Variants in EPHA6 observed in about 807,000 individuals in gnomAD.
The protein encoded by EPHA6 is EPH receptor A6.
In EPHA6, 50 loss-of-function variants were observed where a neutral mutation model predicts 112.0. That is an observed-to-expected ratio of 0.45 (90% CI 0.36 to 0.56). The LOEUF is 0.56. EPHA6 is among the 20% of genes least tolerant of loss of function. EPHA6 has a pLI of 0.00. For missense variants in EPHA6, 1,280 were observed against 1,417.4 expected, an observed-to-expected ratio of 0.90 and a Z score of 1.56; for synonymous variants, 529 against 490.7, an observed-to-expected ratio of 1.08 and a Z score of -1.03.
At chr3:97,216,705 A>G (rs1247782041) in intron 3 of EPHA6, among the ~76,000 whole-genome samples, 1 of 152,234 alleles carries the variant, frequency 6.6e-6, no homozygotes, top group Non-Finnish European at 1.5e-5. Context: ...GTGATATTTT[A>G]GAGTTCGTAT....
At chr3:97,419,056 G>T (rs1284676824) in intron 6 of EPHA6, among the ~76,000 whole-genome samples, 1 of 152,168 alleles carries the variant, frequency 6.6e-6, no homozygotes, top group African/African-American at 2.4e-5. Flanking sequence ...TGTAATCCCA[G>T]CACTTTGGCA....
At chr3:97,448,331 G>T (rs545187879) in intron 6 of EPHA6, among the ~76,000 whole-genome samples, 1 of 152,166 alleles carries the variant, frequency 6.6e-6, no homozygotes, top group South Asian at 2.1e-4. Flanking sequence ...AAAAATACAA[G>T]TGCAGTTTAT....
At chr3:97,667,128 A>G (rs2030212745) in intron 14 of EPHA6, among the ~76,000 whole-genome samples, 1 of 152,206 alleles carries the variant, frequency 6.6e-6, no homozygotes, top group South Asian at 2.1e-4. Context: ...TTTGGCTTAC[A>G]TATGAAGTTT....
chr3:97,354,156 A>G (rs1350627085), intron 5 of EPHA6, among the ~76,000 whole-genome samples: 1 of 152,308 alleles, frequency 6.6e-6, no homozygotes, highest in East Asian at 1.9e-4. Context: ...TACCTGGAAA[A>G]CTACCCAAGA....
intron 2 of EPHA6, among the ~76,000 whole-genome samples, chr3:96,883,178 G>T (rs1376285409): frequency 2.0e-5 from 3 of 152,142 alleles, no homozygotes; most frequent in Non-Finnish European, 4.4e-5. Flanking sequence ...CTGATCATTA[G>T]TAATTTTGAG....
At chr3:97,248,572 A>G (rs1193028049) in intron 5 of EPHA6, among the ~76,000 whole-genome samples, 1 of 152,126 alleles carries the variant, frequency 6.6e-6, no homozygotes, top group African/African-American at 2.4e-5. Context: ...AATTCTGCTG[A>G]TATTTGCTAA....
At chr3:97,403,987 A>C (rs1249521060) in intron 5 of EPHA6, among the ~76,000 whole-genome samples, 1 of 152,062 alleles carries the variant, frequency 6.6e-6, no homozygotes, top group East Asian at 1.9e-4. Context: ...ACTCTATTCT[A>C]GTGTTTATAG....
At chr3:97,462,771 T>A (rs1351622419) in intron 7 of EPHA6, among the ~76,000 whole-genome samples, 1 of 152,184 alleles carries the variant, frequency 6.6e-6, no homozygotes, top group Non-Finnish European at 1.5e-5. Flanking sequence ...TTTTGTTTAC[T>A]GAGCATAATA....
At chr3:97,654,243 T>C (rs976440181) in intron 14 of EPHA6, among the ~76,000 whole-genome samples, 1 of 151,916 alleles carries the variant, frequency 6.6e-6, no homozygotes, top group Non-Finnish European at 1.5e-5. Context: ...TTATACCTTA[T>C]ATATAGATAA....
At chr3:97,536,995 G>C (rs2092773108) in intron 11 of EPHA6, among the ~76,000 whole-genome samples, 1 of 152,136 alleles carries the variant, frequency 6.6e-6, no homozygotes, top group South Asian at 2.1e-4. Context: ...ATTTGTGCCA[G>C]TGATAACTTA....
chr3:97,048,026 A>T (rs2045569596), intron 3 of EPHA6, among the ~76,000 whole-genome samples: 1 of 152,336 alleles, frequency 6.6e-6, no homozygotes, highest in African/African-American at 2.4e-5. Flanking sequence ...AGTTTGATCA[A>T]TACAGTTGAT....
intron 10 of EPHA6, among the ~76,000 whole-genome samples, chr3:97,510,967 C>G (rs993629884): frequency 1.9e-4 from 29 of 152,194 alleles, no homozygotes; most frequent in African/African-American, 6.5e-4. Context: ...TTTACACTTC[C>G]CAGCAGCTTT....
intron 14 of EPHA6, among the ~76,000 whole-genome samples, chr3:97,679,684 T>C (rs906062709): frequency 6.6e-6 from 1 of 152,174 alleles, no homozygotes; most frequent in Non-Finnish European, 1.5e-5. Flanking sequence ...TGTGAATAAA[T>C]GGAAACCTGT....
intron 3 of EPHA6, among the ~76,000 whole-genome samples, chr3:97,047,499 C>CAAAAAAAAA (rs556388538): frequency 4.3e-5 from 2 of 46,448 alleles, no homozygotes; most frequent in Non-Finnish European, 9.6e-5. Context: ...GACTCTGTCT[C>CAAAAAAAAA]AAAAAAAAAA....
intron 7 of EPHA6, among the ~76,000 whole-genome samples, chr3:97,463,195 C>A (rs2090948348): frequency 6.6e-6 from 1 of 152,082 alleles, no homozygotes; most frequent in Non-Finnish European, 1.5e-5. Flanking sequence ...TGGTGTGCTG[C>A]ACCCATTAAC....
At chr3:96,895,619 C>T (rs2038225293) in intron 2 of EPHA6, among the ~76,000 whole-genome samples, 1 of 152,184 alleles carries the variant, frequency 6.6e-6, no homozygotes, top group East Asian at 1.9e-4. Context: ...TGGTAATTGA[C>T]CTATACAGGT....
intron 3 of EPHA6, among the ~76,000 whole-genome samples, chr3:97,119,323 G>A (rs78777637): frequency 0.014 from 2,069 of 152,008 alleles, 21 homozygotes; most frequent in Middle Eastern, 0.058. Context: ...CTCTAGGTGC[G>A]TGTTGCCTAC....
At chr3:97,539,863 C>T (rs1304295800) in intron 11 of EPHA6, among the ~76,000 whole-genome samples, 1 of 152,102 alleles carries the variant, frequency 6.6e-6, no homozygotes, top group Non-Finnish European at 1.5e-5. Context: ...CTTGTGAATG[C>T]TTGAAGTAGC....
intron 3 of EPHA6, among the ~76,000 whole-genome samples, chr3:97,216,779 G>GT (rs1255585634): frequency 2.0e-4 from 30 of 152,258 alleles, no homozygotes; most frequent in African/African-American, 6.7e-4. Context: ...TCTGGTACAG[G>GT]TGGTAGTATT....
Sources: allele counts gnomAD v4.1 joint callset (sites outside exome capture counted in the v4.1 genomes callset), GRCh38; gene constraint gnomAD v4.1.1; transcripts MANE v1.5; gene names NCBI Gene and HGNC (gene_info 2026-07-23, HGNC 2026-07-21).